Variants in NFIL3 observed in about 807,000 individuals in gnomAD.
The protein encoded by NFIL3 is nuclear factor, interleukin 3 regulated.
Under a neutral mutation model 10.0 loss-of-function variants are expected in NFIL3, and 5 were observed. That is an observed-to-expected ratio of 0.50 (90% CI 0.26 to 1.06). The LOEUF is 1.06. NFIL3 is among the 50% of genes least tolerant of loss of function. The pLI, the probability that NFIL3 is intolerant of heterozygous loss-of-function variation, is 0.13. For synonymous variants in NFIL3, 202 were observed against 206.5 expected (o/e 0.98, Z 0.19); for missense variants, 436 against 547.6 (o/e 0.80, Z 2.03).
the NFIL3 span, among the ~76,000 whole-genome samples, chr9:91,474,221 T>C: frequency 6.6e-6 from 1 of 152,078 alleles, no homozygotes; most frequent in African/African-American, 2.4e-5. Context: ...TTTTTCTTCT[T>C]TAATGTGTTG....
At chr9:91,460,205 T>G in the NFIL3 span, among the ~76,000 whole-genome samples, 1 of 140,340 alleles carries the variant, frequency 7.1e-6, no homozygotes, top group Non-Finnish European at 1.5e-5. Context: ...ACCAGGGGAG[T>G]GAGACAGGGA....
chr9:91,435,477 T>C, the NFIL3 span, among the ~76,000 whole-genome samples: 1 of 152,126 alleles, frequency 6.6e-6, no homozygotes, highest in South Asian at 2.1e-4. Flanking sequence ...AAAAGGCCAC[T>C]CAAAGGAGGT....
At chr9:91,424,111 C>T (rs1414794900), upstream of NFIL3, among the ~76,000 whole-genome samples, 1 of 151,802 alleles carries the variant, frequency 6.6e-6, no homozygotes, top group Non-Finnish European at 1.5e-5. Flanking sequence ...CCCGGCGCAA[C>T]GAGTGTTGCG....
At chr9:91,479,507 G>A in the NFIL3 span, among the ~76,000 whole-genome samples, 9 of 151,668 alleles carry the variant, frequency 5.9e-5, no homozygotes, top group South Asian at 1.3e-3. Context: ...CACCAAGCTC[G>A]AGCATCCCAG....
intron 1 of NFIL3, among the ~76,000 whole-genome samples, chr9:91,420,537 C>T (rs1833743003): frequency 6.6e-6 from 1 of 152,104 alleles, no homozygotes; most frequent in African/African-American, 2.4e-5. Context: ...GGGCCTGGGA[C>T]CCAGGGTTCT....
At position 91,410,602 on chromosome 9, in the gene NFIL3, G is replaced by T. The variant is rs1833528504; in HGVS notation, c.133C>A (p.Leu45Met). 1 of 1,614,096 alleles carries T rather than the reference G, an allele frequency of 6.2e-7. No homozygotes were observed. The highest frequency in any genetic ancestry group is 1.7e-5 in the Admixed American group (1 of 60,010). Residue 45 changes from leucine to methionine, a missense_variant, in exon 2 of 2, where the codon CTG becomes ATG. This residue lies in a region of NFIL3 where 76 missense variants were observed against 73.0 expected (regional missense o/e 1.04). Coordinates refer to ENST00000297689, the MANE Select transcript of NFIL3 (RefSeq NM_005384.3). This position sits in a 1 kb window ranked among gnomAD's most constrained non-coding sequence, Gnocchi z 5.7. The part of the protein sequence containing the change: ...VSEDSTTGEE[L>M]LLSEGSVGKN... The stretch of plus-strand genomic sequence containing the variant: ...CCCACACTTCCTTCACTGAGAAGCA[G>T]CTCCTCACCTGTTGTGGAGTCTTCT...
At position 91,409,659 on chromosome 9, in the gene NFIL3, G is replaced by T. The variant is rs147892473; in HGVS notation, c.1076C>A (p.Ser359Tyr). Residue 359 changes from serine (S) to tyrosine (Y), a missense_variant, in exon 2 of 2, where the codon TCT becomes TAT. Transcript: ENST00000297689. ...QKLSSPIDMT[S>Y]KRHFELEKHS... Reference sequence around the variant, plus strand: ...CTTTTCGAGTTCGAAATGTCTTTTAGATGTCATGTCAATAGGTGAGGAAAG... The same window carrying T: ...CTTTTCGAGTTCGAAATGTCTTTTATATGTCATGTCAATAGGTGAGGAAAG... 7.4e-4 allele frequency: 1,188 copies of T among 1,614,088 alleles called. 11 individuals are homozygous for T. Among genetic ancestry groups the T allele is most frequent in the Middle Eastern group, 3.3e-4 (2 of 6,084 alleles).
chr9:91,431,497 G>A, the NFIL3 span, among the ~76,000 whole-genome samples: 2 of 152,172 alleles, frequency 1.3e-5, no homozygotes, highest in African/African-American at 4.8e-5. Context: ...CCATTCCGTG[G>A]AGAGGGGAAA....
At chr9:91,443,103 C>T in the NFIL3 span, among the ~76,000 whole-genome samples, 1 of 152,236 alleles carries the variant, frequency 6.6e-6, no homozygotes, top group Admixed American at 6.5e-5. Flanking sequence ...ATATCTAGCT[C>T]TCAGTAGAGA....
At position 91,410,684 on chromosome 9, in the gene NFIL3, A is replaced by G. The variant is rs1204211646; in HGVS notation, c.51T>C (p.Asp17=). 3 of 1,610,598 alleles carry G rather than the reference A, an allele frequency of 1.9e-6. No homozygotes were observed. The highest frequency in any genetic ancestry group is 1.7e-4 in the Middle Eastern group (1 of 6,036). The change falls in exon 2 of 2, where the codon GAT becomes GAC. Residue 17 remains aspartate (D), a synonymous_variant. Coordinates refer to ENST00000297689, the MANE Select transcript of NFIL3 (RefSeq NM_005384.3). The surrounding 1 kb of genome is among the most constrained non-coding windows in gnomAD (Gnocchi z 5.7). ...TCATCTTGTCCACATTGCTACTGGCATCAAGAGACGCCTGCTCCTTTTTGA... is the reference window on the plus strand; with the variant it reads ...TCATCTTGTCCACATTGCTACTGGCGTCAAGAGACGCCTGCTCCTTTTTGA... ...QTVKKEQASL[D]ASSNVDKMMV...
At chr9:91,420,388 C>T (rs1833740310) in intron 1 of NFIL3, among the ~76,000 whole-genome samples, 2 of 148,174 alleles carry the variant, frequency 1.3e-5, no homozygotes, top group African/African-American at 2.5e-5. Flanking sequence ...CACACACACA[C>T]ACAGATTCTG....
chr9:91,409,137 G>A lies in NFIL3; in HGVS notation c.*209C>T, dbSNP rs1214247605. ...ATAATGTTCAATATATACAGCCTTC[G>A]CATGGACTATCTGACTATACACAGG... On this transcript the variant is annotated 3_prime_UTR_variant, in exon 2 of 2. Coordinates refer to ENST00000297689, the MANE Select transcript of NFIL3 (RefSeq NM_005384.3). 9.8e-6 allele frequency: 5 copies of A among 509,280 alleles called. No homozygotes were observed. Among genetic ancestry groups the A allele is most frequent in the Non-Finnish European group, 1.7e-5 (5 of 293,688 alleles). 31.5% of individuals were successfully genotyped at this position (509,280 alleles called of 1,614,324 possible).
At chr9:91,435,646 C>T in the NFIL3 span, among the ~76,000 whole-genome samples, 1 of 152,176 alleles carries the variant, frequency 6.6e-6, no homozygotes, top group Non-Finnish European at 1.5e-5. Flanking sequence ...AAAGGTCTGC[C>T]TTGGTGAAGT....
At chr9:91,422,657 T>C (rs1833791534) in intron 1 of NFIL3, among the ~76,000 whole-genome samples, 1 of 152,000 alleles carries the variant, frequency 6.6e-6, no homozygotes, top group South Asian at 2.1e-4. Context: ...GAAAAAGCAA[T>C]GACAATAAGG....
intron 1 of NFIL3, among the ~76,000 whole-genome samples, chr9:91,416,605 C>T (rs972286206): frequency 6.6e-6 from 1 of 152,150 alleles, no homozygotes; most frequent in Non-Finnish European, 1.5e-5. Flanking sequence ...TCATTACACA[C>T]ATTAGATGAT....
At chr9:91,466,777 G>A in the NFIL3 span, among the ~76,000 whole-genome samples, 3 of 152,070 alleles carry the variant, frequency 2.0e-5, no homozygotes, top group Non-Finnish European at 4.4e-5. Context: ...AGGTATATAC[G>A]GGTGTCAAGT....
Position 91,410,235 on chromosome 9 carries a change from T to C in NFIL3, c.500A>G (p.Glu167Gly). The change falls in exon 2 of 2, where the codon GAA becomes GGA. Residue 167 changes from glutamate to glycine, a missense_variant. This residue lies in a region of NFIL3 where 338 missense variants were observed against 399.9 expected (regional missense o/e 0.85). Transcript: ENST00000297689. The surrounding 1 kb of genome is among the most constrained non-coding windows in gnomAD (Gnocchi z 5.7). ...SNVSSFVDEHEPSMVSSSCIS... is the reference protein window; with the variant it reads ...SNVSSFVDEHGPSMVSSSCIS... Reference sequence around the variant, plus strand: ...ACAACTACTTGACACCATCGAGGGTTCGTGCTCGTCCACAAATGAACTCAC... The same window carrying C: ...ACAACTACTTGACACCATCGAGGGTCCGTGCTCGTCCACAAATGAACTCAC... 1 of 1,614,190 alleles carries C rather than the reference T, an allele frequency of 6.2e-7. No homozygotes were observed. The highest frequency in any genetic ancestry group is 8.5e-7 in the Non-Finnish European group (1 of 1,180,030).
At chr9:91,480,547 C>T in the NFIL3 span, among the ~76,000 whole-genome samples, 1 of 151,800 alleles carries the variant, frequency 6.6e-6, no homozygotes, top group African/African-American at 2.4e-5. Flanking sequence ...AGATGAATTA[C>T]GGAGCTAAAT....
the NFIL3 span, among the ~76,000 whole-genome samples, chr9:91,443,771 C>T: frequency 6.6e-6 from 1 of 152,296 alleles, no homozygotes; most frequent in South Asian, 2.1e-4. Context: ...CCACCTGTTA[C>T]CAGCCCCCAC....
Sources: gnomAD v4.1 joint callset for allele counts (sites outside exome capture counted in the v4.1 genomes callset) on GRCh38, gnomAD v4.1.1 for gene constraint, gnomAD v4.1.1 regional missense constraint, Gnocchi (gnomAD v3.1) non-coding constraint, MANE v1.5 for transcripts, NCBI Gene and HGNC (gene_info 2026-07-23, HGNC 2026-07-21) for gene names.